The following PAK6 variants were observed in gnomAD, a reference collection of about 807,000 sequenced individuals.
The protein encoded by PAK6 is serine/threonine-protein kinase PAK 6.
A neutral mutation model predicts 60.8 loss-of-function variants in PAK6; 33 were observed. The ratio of observed to expected loss-of-function variants is 0.54; its 90% CI spans 0.41 to 0.73. PAK6 has a LOEUF of 0.73. Ranked by LOEUF, PAK6 falls within the 30% of genes least tolerant of loss-of-function variation. PAK6 has a pLI of 0.00. For synonymous variants in PAK6, 404 were observed against 378.5 expected (o/e 1.07, Z -0.78); for missense variants, 845 against 904.1 (o/e 0.93, Z 0.84).
intron 4 of PAK6, 54 bp from the exon 5 acceptor site, chr15:40,265,788 C>A: frequency 1.4e-6 from 2 of 1,477,220 alleles, no homozygotes; most frequent in Non-Finnish European, 1.8e-6. Context: ...CCCAGCCACC[C>A]CTCCCTGCCA....
intron 3 of PAK6, among the ~76,000 whole-genome samples, chr15:40,260,670 C>G (rs955514405): frequency 6.6e-6 from 1 of 152,136 alleles, no homozygotes; most frequent in African/African-American, 2.4e-5. Context: ...TCAATTTCTA[C>G]CAAAGGAAAT....
chr15:40,247,940 G>C (rs1462461961), intron 2 of PAK6, among the ~76,000 whole-genome samples: 1 of 152,184 alleles, frequency 6.6e-6, no homozygotes, highest in African/African-American at 2.4e-5. Context: ...TTCTGCAGCT[G>C]TGAGGGCTGA....
chr15:40,273,721 C>A, intron 9 of PAK6, 45 bp downstream of exon 9: 1 of 1,600,268 alleles, frequency 6.2e-7, no homozygotes, highest in South Asian at 1.1e-5. Flanking sequence ...AGCAACTTGG[C>A]AACTGGCAGC....
In PAK6 at chr15:40,266,053, A is replaced by AC. The variant is rs759556156; in HGVS notation, c.421dup (p.His141ProfsTer74). The stretch of plus-strand genomic sequence containing the variant: ...CAGAGCCCCCAGTCTGAGCGCACTG[A>AC]CCCCCACGGCCTCTACCTCAGCTGC... On this transcript the variant is annotated frameshift_variant, in exon 5 of 11. Transcript: ENST00000560346. LOFTEE classifies it high-confidence loss of function. The AC allele has an allele frequency of 6.2e-7, 1 of 1,606,586 alleles. No homozygotes were observed. The highest frequency in any genetic ancestry group is 8.5e-7 in the Non-Finnish European group (1 of 1,178,012).
chr15:40,264,712 G>A, intron 3 of PAK6, 69 bp from the exon 4 acceptor site: 1 of 1,388,460 alleles, frequency 7.2e-7, no homozygotes, highest in Non-Finnish European at 1.0e-6. Context: ...CCTGAACCTG[G>A]TGCCCCAGGC....
Position 40,257,920 on chromosome 15 carries a change from AC to A in PAK6, c.-6+4636del, listed in dbSNP as rs965096865. ...GTAGCATCCGCCACAAAACTTACTC[AC>A]CCCCTCCTCAAGCCAAGCCTGTGGG... On this transcript the variant is annotated intron_variant, in intron 3 of 10. Coordinates refer to ENST00000560346, the Ensembl canonical transcript of PAK6. 7.4e-5 allele frequency among the ~76,000 whole-genome samples: 11 copies of A among 149,626 alleles called. No homozygotes were observed. The South Asian group carries it at 8.7e-4, about 12-fold the overall frequency.
exon 8 of PAK6, chr15:40,273,418 T>C (rs1359290987): frequency 1.4e-5 from 22 of 1,613,948 alleles, no homozygotes; most frequent in Non-Finnish European, 1.9e-5. Context: ...ATGCTCAGGG[T>C]GTCATCCACC....
intron 5 of PAK6, among the ~76,000 whole-genome samples, chr15:40,268,552 T>C (rs1412494260): frequency 6.6e-6 from 1 of 152,164 alleles, no homozygotes; most frequent in Non-Finnish European, 1.5e-5. Context: ...CCCTTGGCAC[T>C]GGGGCTGACT....
intron 3 of PAK6, among the ~76,000 whole-genome samples, chr15:40,255,023 A>C (rs992186486): frequency 3.9e-5 from 6 of 152,170 alleles, no homozygotes; most frequent in African/African-American, 1.4e-4. Flanking sequence ...GAGGTCTGGA[A>C]AGTTAAGAGC....
exon 11 of PAK6, chr15:40,276,448 G>A: frequency 1.3e-5 from 3 of 222,266 alleles, no homozygotes; most frequent in Non-Finnish European, 2.6e-5. Flanking sequence ...AGTGTCCTAG[G>A]CCACTGCAGA....
At chr15:40,273,074 T>C (rs2039355683) in intron 7 of PAK6, 75 bp downstream of exon 7, 2 of 1,562,398 alleles carry the variant, frequency 1.3e-6, no homozygotes, top group Non-Finnish European at 1.7e-6. Context: ...TGTGGTCTTC[T>C]GCCTGTGGCC....
intron 5 of PAK6, among the ~76,000 whole-genome samples, chr15:40,271,609 A>G (rs1296561564): frequency 6.6e-6 from 1 of 152,032 alleles, no homozygotes; most frequent in Non-Finnish European, 1.5e-5. Context: ...ATGGTGACAC[A>G]CCTCTGTGGT....
intron 2 of PAK6, 135 bp downstream of exon 2, chr15:40,240,816 C>T (rs1190654749): frequency 3.0e-6 from 1 of 329,484 alleles, no homozygotes; most frequent in Non-Finnish European, 6.1e-6. Context: ...AGGGGCTCCA[C>T]TCCCCACCCG....
chr15:40,268,507 C>T (rs532452456), intron 5 of PAK6, among the ~76,000 whole-genome samples: 13 of 152,342 alleles, frequency 8.5e-5, no homozygotes, highest in African/African-American at 2.9e-4. Context: ...CCTCCACCAC[C>T]ACCTACCCCA....
intron 10 of PAK6, 97 bp from the exon 11 acceptor site, chr15:40,275,830 C>T (rs375887148): frequency 4.7e-5 from 56 of 1,197,460 alleles, no homozygotes; most frequent in African/African-American, 3.0e-4. Flanking sequence ...AAAAAACCAG[C>T]GAATTCATGA....
chr15:40,252,675 G>T (rs2038714062), intron 2 of PAK6: 9 of 1,313,462 alleles, frequency 6.9e-6, no homozygotes, highest in Non-Finnish European at 9.0e-6. Flanking sequence ...AGCGTTCCTG[G>T]GCTTCCCGCT....
At position 40,239,502 on chromosome 15, in the gene PAK6, T is replaced by C. The variant is rs778660939; in HGVS notation, c.-501T>C. The stretch of plus-strand genomic sequence containing the variant: ...CTCCCTACCTTGGGCTCCAGGAAGA[T>C]GGGACTTGCTGTGAGTCTGCTGCCA... On this transcript the variant is annotated 5_prime_UTR_variant, in exon 1 of 11. The change abolishes an upstream ATG in the 5' untranslated region. Coordinates refer to ENST00000560346, the Ensembl canonical transcript of PAK6. The C allele has an allele frequency of 6.6e-6, 1 of 152,478 alleles. No individual in the cohort carries two copies. Among genetic ancestry groups the C allele is most frequent in the Non-Finnish European group, 1.5e-5 (1 of 68,146 alleles). 9.4% of individuals were successfully genotyped at this position (152,478 alleles called of 1,614,324 possible).
intron 2 of PAK6, chr15:40,252,694 G>T: frequency 7.6e-7 from 1 of 1,307,316 alleles, no homozygotes. Context: ...CTCCGCAGGT[G>T]GGTTCCCCGG....
At chr15:40,263,973 G>A in intron 3 of PAK6, 2 of 455,892 alleles carry the variant, frequency 4.4e-6, no homozygotes, top group Admixed American at 4.7e-5. Flanking sequence ...AAGGGGAGGT[G>A]GTGCTCTCTG....
Sources: gnomAD v4.1 joint callset for allele counts (sites outside exome capture counted in the v4.1 genomes callset) on GRCh38, gnomAD v4.1.1 for gene constraint, MANE v1.5 for transcripts, NCBI Gene and HGNC (gene_info 2026-07-23, HGNC 2026-07-21) for gene names.